The following CAMTA1 variants were observed in gnomAD, a reference collection of about 807,000 sequenced individuals.
The protein encoded by CAMTA1 is calmodulin binding transcription activator 1, also known as calmodulin-binding transcription activator 1.
In CAMTA1, 27 loss-of-function variants were observed where a neutral mutation model predicts 170.9. The ratio of observed to expected loss-of-function variants is 0.16; its 90% confidence interval spans 0.12 to 0.22. The LOEUF (loss-of-function observed/expected upper bound fraction) is 0.22, where lower values mean the gene tolerates loss of function less well. Ranked by LOEUF, CAMTA1 falls within the 10% of genes least tolerant of loss-of-function variation. The pLI is 1.00. For synonymous variants in CAMTA1, 833 were observed against 891.5 expected (o/e 0.93, Z 1.17); for missense variants, 1,619 against 2,217.2 (o/e 0.73, Z 5.42).
At chr1:7,392,242 A>G (rs2088790108) in intron 5 of CAMTA1, among the ~76,000 whole-genome samples, 1 of 143,712 alleles carries the variant, frequency 7.0e-6, no homozygotes, top group African/African-American at 2.6e-5. Flanking sequence ...AAACCTCAAC[A>G]TGGTGAGACC....
intron 4 of CAMTA1, among the ~76,000 whole-genome samples, chr1:7,180,164 C>T (rs192301221): frequency 2.4e-4 from 37 of 151,976 alleles, no homozygotes; most frequent in Admixed American, 2.2e-3. Context: ...GTCAGGAGTT[C>T]GAGATCAGCG....
intron 5 of CAMTA1, among the ~76,000 whole-genome samples, chr1:7,257,861 G>C (rs1014887157): frequency 1.3e-5 from 2 of 152,154 alleles, no homozygotes; most frequent in Admixed American, 6.5e-5. Flanking sequence ...AGGTTTGTCT[G>C]TTTTGGATAT....
At chr1:6,843,689 A>G (rs1656792756) in intron 3 of CAMTA1, among the ~76,000 whole-genome samples, 1 of 152,206 alleles carries the variant, frequency 6.6e-6, no homozygotes, top group African/African-American at 2.4e-5. Context: ...CATGTTGGCC[A>G]GGCTGGTCTC....
At position 7,629,302 on chromosome 1, in the gene CAMTA1, G is replaced by A. The variant is rs534736560; in HGVS notation, c.511-11098G>A. On this transcript the variant is annotated intron_variant, in intron 6 of 22. Transcript: ENST00000303635. Reference sequence around the variant, plus strand: ...CAGATTCCACCCTGGTGGGGGCACCGGCCATCATGGTGTCTCCTAGATTTT... The same window carrying A: ...CAGATTCCACCCTGGTGGGGGCACCAGCCATCATGGTGTCTCCTAGATTTT... Among the ~76,000 whole-genome samples, 11 of 152,312 alleles carry A rather than the reference G, an allele frequency of 7.2e-5. No individual in the cohort carries two copies. In the East Asian group the frequency reaches 1.2e-3, roughly 16 times the overall value.
Position 6,949,790 on chromosome 1 carries a change from CACA to C in CAMTA1, c.234+124585_234+124587del, listed in dbSNP as rs550227812. On this transcript the variant is annotated intron_variant, in intron 3 of 22. Coordinates refer to ENST00000303635, the MANE Select transcript of CAMTA1 (RefSeq NM_015215.4). ...CATTAACGTTGCATCCCCAAAGCCACACAACAAGTAAGTGCAAAAGGGAGGGCA... is the reference window on the plus strand; with the variant it reads ...CATTAACGTTGCATCCCCAAAGCCACACAAGTAAGTGCAAAAGGGAGGGCA... Among the ~76,000 whole-genome samples, 80 of 152,372 alleles carry C rather than the reference CACA, an allele frequency of 5.3e-4. 1 individual carries two copies. The East Asian group carries it at 0.011, about 21-fold the overall frequency.
intron 3 of CAMTA1, among the ~76,000 whole-genome samples, chr1:6,873,841 A>T (rs1444606030): frequency 1.3e-5 from 2 of 152,162 alleles, no homozygotes; most frequent in Non-Finnish European, 1.5e-5. Flanking sequence ...GTTTTTGTAA[A>T]TGTGATTCAT....
At chr1:6,998,454 G>A (rs75720147) in intron 3 of CAMTA1, among the ~76,000 whole-genome samples, 194 of 152,254 alleles carry the variant, frequency 1.3e-3, no homozygotes, top group African/African-American at 4.5e-3. Context: ...CTCCCTCTGC[G>A]TCACATGTCC....
At position 7,093,612 on chromosome 1, in the gene CAMTA1, C is replaced by T. The variant is rs79145929; in HGVS notation, c.302+2241C>T. Among the ~76,000 whole-genome samples the T allele has an allele frequency of 0.07, 10,639 of 152,200 alleles. 515 individuals are homozygous for T. Among genetic ancestry groups the T allele is most frequent in the Non-Finnish European group, 0.1 (6,889 of 68,012 alleles). ...AGAACAGTAGAACATTTCAAGGCAG[C>T]GGTTTTACCTCGAGTTTCAGCCTTT... is the stretch of plus-strand genomic sequence containing the variant. On this transcript the variant is annotated intron_variant, in intron 4 of 22. Transcript: ENST00000303635. This position sits in a 1 kb window ranked among gnomAD's most constrained non-coding sequence, Gnocchi z 4.6.
chr1:7,540,389 G>C (rs2094596107), intron 6 of CAMTA1, among the ~76,000 whole-genome samples: 1 of 152,094 alleles, frequency 6.6e-6, no homozygotes, highest in Non-Finnish European at 1.5e-5. Context: ...ACCCTAACCT[G>C]GAGTCTCTCC....
chr1:6,956,861 T>C (rs1326381695), intron 3 of CAMTA1, among the ~76,000 whole-genome samples: 1 of 152,204 alleles, frequency 6.6e-6, no homozygotes, highest in Non-Finnish European at 1.5e-5. Flanking sequence ...GTGGCTTTGT[T>C]TGAGGCTCCT....
At chr1:7,370,386 A>AT (rs2086348289) in intron 5 of CAMTA1, 1 of 152,262 alleles carries the variant, frequency 6.6e-6, no homozygotes, top group Admixed American at 6.5e-5. Flanking sequence ...TGTGTTTTAT[A>AT]GTGCAGAACG....
chr1:7,361,674 G>A (rs1364629736), intron 5 of CAMTA1, among the ~76,000 whole-genome samples: 1 of 152,200 alleles, frequency 6.6e-6, no homozygotes, highest in Non-Finnish European at 1.5e-5. Flanking sequence ...GAAGGTTGGG[G>A]GTACATTAAA....
In CAMTA1 at chr1:7,103,366, CAT is replaced by C. The variant is rs894786317; in HGVS notation, c.302+12001_302+12002del. Among the ~76,000 whole-genome samples, 9 of 146,852 alleles carry C rather than the reference CAT, an allele frequency of 6.1e-5. No individual in the cohort carries two copies. The East Asian group carries it at 1.3e-3, about 20-fold the overall frequency. On this transcript the variant is annotated intron_variant, in intron 4 of 22. Coordinates refer to ENST00000303635, the MANE Select transcript of CAMTA1 (RefSeq NM_015215.4). ...TACACACATGCACACACAACACACACATATATACACAACTACACACGTACACA... is the reference window on the plus strand; with the variant it reads ...TACACACATGCACACACAACACACACATATACACAACTACACACGTACACA...
intron 3 of CAMTA1, among the ~76,000 whole-genome samples, chr1:7,018,529 C>T (rs889707845): frequency 1.3e-5 from 2 of 152,226 alleles, no homozygotes; most frequent in African/African-American, 4.8e-5. Flanking sequence ...AAACATTCCC[C>T]ATCCTTCCAA....
At chr1:7,129,151 AAAG>A (rs1263683804) in intron 4 of CAMTA1, among the ~76,000 whole-genome samples, 1 of 151,986 alleles carries the variant, frequency 6.6e-6, no homozygotes, top group Non-Finnish European at 1.5e-5. Flanking sequence ...CCCCATTTTT[AAAG>A]AAGAAGACTA....
intron 4 of CAMTA1, among the ~76,000 whole-genome samples, chr1:7,099,609 T>G (rs1419909435): frequency 6.6e-6 from 1 of 152,232 alleles, no homozygotes; most frequent in Non-Finnish European, 1.5e-5. Context: ...TTTAGCTTTC[T>G]TACTGTGTCC....
chr1:7,142,187 C>A, intron 4 of CAMTA1: 1 of 516,800 alleles, frequency 1.9e-6, no homozygotes, highest in Non-Finnish European at 3.9e-6. Context: ...AGGCTGTGGG[C>A]AGAATGAATG....
At chr1:7,313,014 A>G (rs1183043798) in intron 5 of CAMTA1, among the ~76,000 whole-genome samples, 7 of 150,854 alleles carry the variant, frequency 4.6e-5, no homozygotes, top group Non-Finnish European at 8.8e-5. Context: ...TGTTTATACT[A>G]ATTGGATTAT....
In CAMTA1 at chr1:7,055,157, T is replaced by G. The variant is rs115479547; in HGVS notation, c.235-36147T>G. Among the ~76,000 whole-genome samples the G allele has an allele frequency of 3.1e-3, 479 of 152,210 alleles. 7 individuals are homozygous for G. Among genetic ancestry groups the G allele is most frequent in the African/African-American group, 0.011 (458 of 41,540 alleles). On this transcript the variant is annotated intron_variant, in intron 3 of 22. Transcript: ENST00000303635. ...CCACCTCTAACACCAGGGATAACAA[T>G]TTGACATGAAATTTGGGTGGAGACA...
Sources: allele counts gnomAD v4.1 joint callset (sites outside exome capture counted in the v4.1 genomes callset), GRCh38; gene constraint gnomAD v4.1.1; non-coding constraint Gnocchi (gnomAD v3.1); transcripts MANE v1.5; gene names NCBI Gene and HGNC (gene_info 2026-07-23, HGNC 2026-07-21).